The following PKP2 variants were observed in gnomAD, a reference collection of about 807,000 sequenced individuals.
PKP2 encodes the protein plakophilin-2.
Under a neutral mutation model 83.4 loss-of-function variants are expected in PKP2, and 73 were observed. That is an observed-to-expected ratio of 0.88 (90% CI 0.72 to 1.06). PKP2 has a LOEUF of 1.06. Among genes scored for constraint, PKP2 ranks in the 50% least tolerant of loss-of-function variants. PKP2 has a pLI of 0.00. For missense variants in PKP2, 966 were observed against 1,065.4 expected, an observed-to-expected ratio of 0.91 and a Z score of 1.30; for synonymous variants, 409 against 430.4, an observed-to-expected ratio of 0.95 and a Z score of 0.62.
chr12:32,869,121 C>T, intron 3 of PKP2, 59 bp from the exon 4 acceptor site: 4 of 1,600,694 alleles, frequency 2.5e-6, no homozygotes, highest in Non-Finnish European at 2.6e-6. Flanking sequence ...TGCCTACCAA[C>T]CTGGTCCTCC....
chr12:32,820,997 C>T (rs1369219025), intron 9 of PKP2: 7 of 292,152 alleles, frequency 2.4e-5, no homozygotes, highest in East Asian at 9.0e-5. Flanking sequence ...AAACCAAGCC[C>T]GGAGATGAAG....
chr12:32,853,394 GAAA>G (rs79409951), intron 4 of PKP2, among the ~76,000 whole-genome samples: 6 of 87,894 alleles, frequency 6.8e-5, no homozygotes, highest in Admixed American at 1.1e-4. Flanking sequence ...TTCCTTAAAC[GAAA>G]AAAAAAAAAA....
intron 8 of PKP2, 126 bp from the exon 9 acceptor site, chr12:32,821,655 A>G (rs1956380462): frequency 1.1e-6 from 1 of 872,570 alleles, no homozygotes; most frequent in African/African-American, 1.7e-5. Context: ...AGCCCTTGAA[A>G]TAGAAATTTT....
chr12:32,886,670 G>A (rs1337181743), intron 1 of PKP2, among the ~76,000 whole-genome samples: 1 of 152,152 alleles, frequency 6.6e-6, no homozygotes, highest in Non-Finnish European at 1.5e-5. Context: ...TGCTTAGGCT[G>A]GAAAATAAGT....
chr12:32,792,743 A>AGG lies in PKP2; in HGVS notation c.2358-14_2358-13dup. 6.2e-7 allele frequency: 1 copy of AGG among 1,610,064 alleles called. No homozygotes were observed. Among genetic ancestry groups the AGG allele is most frequent in the Non-Finnish European group, 8.5e-7 (1 of 1,176,276 alleles). On this transcript the variant is annotated splice_polypyrimidine_tract_variant and intron_variant, in intron 11 of 12. Transcript: ENST00000340811. ...TGTTGGAGGCATAGCTGAAAAGAAA[A>AGG]GGACATTCTGAGATCAGGGAGAATG... is the stretch of plus-strand genomic sequence containing the variant.
Position 32,882,351 on chromosome 12 carries a change from G to C in PKP2, c.224-3319C>G, listed in dbSNP as rs1956994057. The stretch of plus-strand genomic sequence containing the variant: ...AGGTGATGAAAGCAGGCAATTTTAG[G>C]AATTCAAGAAAAACTCTGTAAATCA... On this transcript the variant is annotated intron_variant, in intron 1 of 12. Coordinates refer to ENST00000340811, the MANE Select transcript of PKP2 (RefSeq NM_001005242.3). Among the ~76,000 whole-genome samples, 6 of 152,128 alleles carry C rather than the reference G, an allele frequency of 3.9e-5. No individual in the cohort carries two copies. The South Asian group carries it at 1.3e-3, about 32-fold the overall frequency.
At chr12:32,888,428 C>T (rs1489544097) in intron 1 of PKP2, among the ~76,000 whole-genome samples, 1 of 152,000 alleles carries the variant, frequency 6.6e-6, no homozygotes, top group African/African-American at 2.4e-5. Flanking sequence ...ATTTCCCCTG[C>T]CTCTCACGTG....
At chr12:32,863,718 G>A (rs546488142) in intron 4 of PKP2, among the ~76,000 whole-genome samples, 9 of 152,146 alleles carry the variant, frequency 5.9e-5, no homozygotes, top group African/African-American at 1.9e-4. Context: ...AGGCTGAGAC[G>A]TCTTCACTGC....
Position 32,820,959 on chromosome 12 carries a change from A to G in PKP2, c.2013+397T>C, listed in dbSNP as rs116805318. The G allele has an allele frequency of 2.5e-3, 660 of 260,602 alleles. 4 individuals carry two copies. Among genetic ancestry groups the G allele is most frequent in the African/African-American group, 0.014 (630 of 44,482 alleles). The allele number at this position is 260,602 out of a possible 1,614,324, so 16.1% of individuals were successfully genotyped here. A position where few individuals can be genotyped will look rare whatever the true frequency, so the allele number is the denominator to read the frequency against. On this transcript the variant is annotated intron_variant, in intron 9 of 12. Coordinates refer to ENST00000340811, the MANE Select transcript of PKP2 (RefSeq NM_001005242.3). The stretch of plus-strand genomic sequence containing the variant: ...GCTGTCTTTGTTACCCTATGGAGAG[A>G]GCCTTTGAGAACAAACCCAGCAGAG...
chr12:32,821,528 T>G lies in PKP2; in HGVS notation c.1841A>C (p.Gln614Pro), dbSNP rs1176763372. ...FGSRSRKVKEQYQDVPMPEEK... is the reference protein window; with the variant it reads ...FGSRSRKVKEPYQDVPMPEEK... ...CTCCGGCATCGGCACGTCCTGGTAT[T>G]GCTGACCACACACAAAAGGAATCCA... The change falls in exon 9 of 13, where the codon CAA becomes CCA. Residue 614 changes from glutamine to proline, a missense_variant and splice_region_variant. Gln to Pro is a moderately conservative substitution (Grantham distance 76, BLOSUM62 -1). Transcript: ENST00000340811. The G allele has an allele frequency of 6.2e-7, 1 of 1,614,058 alleles. No individual in the cohort carries two copies. The highest frequency in any genetic ancestry group is 1.1e-5 in the South Asian group (1 of 91,080).
chr12:32,792,629 T>G lies in PKP2; in HGVS notation c.2445+15A>C. 1.2e-6 allele frequency: 2 copies of G among 1,607,636 alleles called. No homozygotes were observed. Among genetic ancestry groups the G allele is most frequent in the Non-Finnish European group, 1.7e-6 (2 of 1,174,054 alleles). On this transcript the variant is annotated intron_variant, in intron 12 of 12. Transcript: ENST00000340811. ...GCTCTGTTAACTATGACACATTCCT[T>G]GTTCATGTTCTTACCTTCTTGTAGG...
chr12:32,837,146 G>A (rs1034450469), intron 6 of PKP2, among the ~76,000 whole-genome samples: 1 of 152,204 alleles, frequency 6.6e-6, no homozygotes, highest in Non-Finnish European at 1.5e-5. Context: ...GAATATGTCT[G>A]TAAATTGGCA....
chr12:32,893,011 C>T (rs934375623), intron 1 of PKP2, among the ~76,000 whole-genome samples: 1 of 152,254 alleles, frequency 6.6e-6, no homozygotes, highest in South Asian at 2.1e-4. Context: ...CTGAAGGCCC[C>T]TTCCCAAAGA....
chr12:32,854,797 T>C (rs1236677517), intron 4 of PKP2, among the ~76,000 whole-genome samples: 1 of 152,228 alleles, frequency 6.6e-6, no homozygotes, highest in African/African-American at 2.4e-5. Flanking sequence ...TCCCTGCCAA[T>C]TATAAAATAA....
rs1956778141 is a variant in PKP2 at position 32,859,082 on chromosome 12, G to T, written c.1171-8109C>A. ...TACATGTTTACCAACAGTAATTTAG[G>T]TTTGCTTCCCAGGGTATTTATGTCA... On this transcript the variant is annotated intron_variant, in intron 4 of 12. Transcript: ENST00000340811. Among the ~76,000 whole-genome samples, 4 of 152,104 alleles carry T rather than the reference G, an allele frequency of 2.6e-5. No homozygotes were observed. The South Asian group carries it at 6.2e-4, about 24-fold the overall frequency.
intron 1 of PKP2, among the ~76,000 whole-genome samples, chr12:32,887,576 TC>T (rs1957040797): frequency 6.6e-6 from 1 of 152,130 alleles, no homozygotes; most frequent in South Asian, 2.1e-4. Flanking sequence ...GCCTCAGCCT[TC>T]CGAGTAGCTG....
At chr12:32,806,822 G>A (rs1956230375) in intron 9 of PKP2, among the ~76,000 whole-genome samples, 1 of 151,964 alleles carries the variant, frequency 6.6e-6, no homozygotes, top group East Asian at 1.9e-4. Flanking sequence ...GATCTTTCTA[G>A]CTTATTGATC....
At chr12:32,806,598 C>T (rs1357286028) in intron 9 of PKP2, among the ~76,000 whole-genome samples, 1 of 151,854 alleles carries the variant, frequency 6.6e-6, no homozygotes, top group Non-Finnish European at 1.5e-5. Flanking sequence ...TTTGATTCTT[C>T]TCTCTTTTCT....
intron 3 of PKP2, among the ~76,000 whole-genome samples, chr12:32,877,144 G>C (rs983086957): frequency 2.0e-5 from 3 of 152,110 alleles, no homozygotes; most frequent in African/African-American, 7.2e-5. Flanking sequence ...GATCTAATCA[G>C]CCATCCATTT....
Sources: allele counts gnomAD v4.1 joint callset (sites outside exome capture counted in the v4.1 genomes callset), GRCh38; gene constraint gnomAD v4.1.1; transcripts MANE v1.5; gene names NCBI Gene and HGNC (gene_info 2026-07-23, HGNC 2026-07-21).